The following STRADA variants were observed in gnomAD, a reference collection of about 807,000 sequenced individuals.
The protein encoded by STRADA is STE20-related kinase adapter protein alpha.
A neutral mutation model predicts 55.0 loss-of-function variants in STRADA; 26 were observed. That is an observed-to-expected ratio of 0.47 (90% confidence interval 0.35 to 0.66). STRADA has a LOEUF of 0.66. STRADA is among the 30% of genes least tolerant of loss of function. The pLI is 0.01. For missense variants in STRADA, 443 were observed against 549.7 expected (o/e 0.81, Z 1.94); for synonymous variants, 197 against 210.9 (o/e 0.93, Z 0.57).
intron 4 of STRADA, among the ~76,000 whole-genome samples, chr17:63,721,153 C>T (rs1361044211): frequency 6.6e-6 from 1 of 151,642 alleles, no homozygotes; most frequent in Non-Finnish European, 1.5e-5. Context: ...GCAGGCGGAT[C>T]ACAAGGTCAA....
At chr17:63,720,682 G>A (rs2037239169) in intron 4 of STRADA, among the ~76,000 whole-genome samples, 1 of 151,798 alleles carries the variant, frequency 6.6e-6, no homozygotes, top group East Asian at 2.0e-4. Flanking sequence ...GCTGAGGCAG[G>A]AGAATGCCGT....
chr17:63,721,072 G>T (rs758694286), intron 4 of STRADA, among the ~76,000 whole-genome samples: 2 of 142,542 alleles, frequency 1.4e-5, no homozygotes, highest in Non-Finnish European at 3.0e-5. Flanking sequence ...CTCCAGCCTG[G>T]GCAACAAAAG....
chr17:63,724,231 C>T (rs1325347256), intron 3 of STRADA, among the ~76,000 whole-genome samples: 1 of 152,066 alleles, frequency 6.6e-6, no homozygotes, highest in Non-Finnish European at 1.5e-5. Flanking sequence ...CAACCTCCGC[C>T]TCCCGGGTTC....
At chr17:63,731,092 C>T (rs866340901) in intron 1 of STRADA, among the ~76,000 whole-genome samples, 8 of 151,900 alleles carry the variant, frequency 5.3e-5, no homozygotes, top group Middle Eastern at 3.4e-3. Flanking sequence ...TACAGGCGTG[C>T]GCCACCACAC....
In STRADA at chr17:63,728,319, T is replaced by C. The variant is rs4968596; in HGVS notation, c.36+15A>G. 2.7e-3 allele frequency: 4,380 copies of C among 1,612,884 alleles called. 65 individuals carry two copies. The highest frequency in any genetic ancestry group is 0.025 in the Admixed American group (1,520 of 59,832). On this transcript the variant is annotated intron_variant, in intron 2 of 12. Transcript: ENST00000336174. Reference sequence around the variant, plus strand: ...AACAAAAATAGTAAAGCCAGAAGAATAGAAAAACACTCACCCTGATTCGCT... The same window carrying C: ...AACAAAAATAGTAAAGCCAGAAGAACAGAAAAACACTCACCCTGATTCGCT...
intron 1 of STRADA, among the ~76,000 whole-genome samples, chr17:63,733,163 T>C (rs1451342818): frequency 6.6e-6 from 1 of 152,202 alleles, no homozygotes; most frequent in Non-Finnish European, 1.5e-5. Flanking sequence ...TAAAAACCAT[T>C]TCCTAAGAAG....
At chr17:63,723,465 G>A (rs1471155516) in intron 3 of STRADA, 139 bp from the exon 4 acceptor site, 12 of 874,542 alleles carry the variant, frequency 1.4e-5, no homozygotes, top group Middle Eastern at 2.3e-4. Context: ...AAGTGCCTGC[G>A]GGGCTACATA....
intron 1 of STRADA, among the ~76,000 whole-genome samples, chr17:63,731,467 T>C (rs2038050984): frequency 6.6e-6 from 1 of 151,756 alleles, no homozygotes; most frequent in African/African-American, 2.4e-5. Context: ...GGTTTCACCA[T>C]GTTGGCCAAG....
intron 4 of STRADA, 51 bp from the exon 5 acceptor site, chr17:63,714,159 G>A (rs764716050): frequency 7.0e-7 from 1 of 1,427,708 alleles, no homozygotes; most frequent in Non-Finnish European, 9.8e-7. Flanking sequence ...GGGGTGGGAT[G>A]GGAGTGGGGT....
At chr17:63,709,371 T>C (rs996247340) in intron 8 of STRADA, among the ~76,000 whole-genome samples, 2 of 152,248 alleles carry the variant, frequency 1.3e-5, no homozygotes, top group Non-Finnish European at 2.9e-5. Context: ...GCTCTTCCTA[T>C]GATGGGTTTG....
chr17:63,733,301 C>T (rs2038197814), intron 1 of STRADA, among the ~76,000 whole-genome samples: 1 of 152,048 alleles, frequency 6.6e-6, no homozygotes, highest in African/African-American at 2.4e-5. Flanking sequence ...ACATATGGGT[C>T]ATATATAACT....
intron 1 of STRADA, among the ~76,000 whole-genome samples, chr17:63,736,813 A>C (rs1207838339): frequency 6.7e-6 from 1 of 149,140 alleles, no homozygotes; most frequent in Non-Finnish European, 1.5e-5. Context: ...GACAGGGTGG[A>C]AAGTGGCCTA....
intron 4 of STRADA, among the ~76,000 whole-genome samples, chr17:63,720,279 A>C (rs1161697052): frequency 4.0e-5 from 6 of 151,298 alleles, no homozygotes; most frequent in African/African-American, 1.5e-4. Flanking sequence ...GGCTTAAGGG[A>C]TTTTTCTGCC....
At chr17:63,739,876 T>C (rs2038761092) in intron 1 of STRADA, among the ~76,000 whole-genome samples, 1 of 136,490 alleles carries the variant, frequency 7.3e-6, no homozygotes, top group Admixed American at 7.1e-5. Flanking sequence ...CCGGGACGGC[T>C]GCTCCGACGA....
intron 1 of STRADA, among the ~76,000 whole-genome samples, chr17:63,730,354 C>T (rs1056558188): frequency 6.6e-5 from 10 of 151,886 alleles, no homozygotes; most frequent in African/African-American, 2.4e-4. Context: ...TCTCCTGCTA[C>T]AATCTGGACT....
At chr17:63,726,744 C>A in intron 2 of STRADA, 49 bp from the exon 3 acceptor site, 2 of 1,588,444 alleles carry the variant, frequency 1.3e-6, no homozygotes, top group South Asian at 1.1e-5. Flanking sequence ...CAAGCCGCAA[C>A]AAATTAGCTA....
At chr17:63,737,221 C>A (rs982607001) in intron 1 of STRADA, among the ~76,000 whole-genome samples, 1 of 122,376 alleles carries the variant, frequency 8.2e-6, no homozygotes, top group African/African-American at 3.2e-5. Flanking sequence ...TGCACTCCAG[C>A]CTGGGTGACA....
intron 4 of STRADA, among the ~76,000 whole-genome samples, chr17:63,719,763 C>A (rs551489738): frequency 2.0e-5 from 3 of 152,168 alleles, no homozygotes; most frequent in African/African-American, 7.2e-5. Flanking sequence ...GGGTTACAGG[C>A]GTGAGCCATG....
chr17:63,704,620 T>TG (rs66871703), intron 10 of STRADA, 38 bp from the exon 11 acceptor site: 14,806 of 1,204,036 alleles, frequency 0.012, 48 homozygotes, highest in African/African-American at 0.042. Flanking sequence ...CTGTAGCGGG[T>TG]GGGGGGGGGG....
Sources: gnomAD v4.1 joint callset for allele counts (sites outside exome capture counted in the v4.1 genomes callset) on GRCh38, gnomAD v4.1.1 for gene constraint, MANE v1.5 for transcripts, NCBI Gene and HGNC (gene_info 2026-07-23, HGNC 2026-07-21) for gene names.